The following BRIP1 variants were observed in gnomAD, a reference collection of about 807,000 sequenced individuals.
BRIP1 encodes BRCA1 interacting DNA helicase 1, also known as Fanconi anemia group J protein.
A neutral mutation model predicts 119.7 loss-of-function variants in BRIP1; 88 were observed. That is an observed-to-expected ratio of 0.74 (90% CI 0.62 to 0.88). The LOEUF (loss-of-function observed/expected upper bound fraction) is 0.88, where lower values mean the gene tolerates loss of function less well. Among genes scored for constraint, BRIP1 ranks in the 40% least tolerant of loss-of-function variants. The pLI, the probability that BRIP1 is intolerant of heterozygous loss-of-function variation, is 0.00. For synonymous variants in BRIP1, 443 were observed against 496.5 expected, an observed-to-expected ratio of 0.89 and a Z score of 1.43; for missense variants, 1,259 against 1,455.4, an observed-to-expected ratio of 0.87 and a Z score of 2.20.
chr17:61,735,528 C>T lies in BRIP1; in HGVS notation c.2379+7485G>A, dbSNP rs1387233195. 1.3e-5 allele frequency among the ~76,000 whole-genome samples: 2 copies of T among 151,802 alleles called. No individual in the cohort carries two copies. Among genetic ancestry groups the T allele is most frequent in the African/African-American group, 2.4e-5 (1 of 41,260 alleles). On this transcript the variant is annotated intron_variant, in intron 16 of 19. Transcript: ENST00000259008. This position sits in a 1 kb window ranked among gnomAD's most constrained non-coding sequence, Gnocchi z 4.4. ...TTAGGGCTAGGCACGGTGGCTCACACTTGTAATCCCAGCACTTTGGGAGGC... is the reference window on the plus strand; with the variant it reads ...TTAGGGCTAGGCACGGTGGCTCACATTTGTAATCCCAGCACTTTGGGAGGC...
At position 61,683,471 on chromosome 17, in the gene BRIP1, T is replaced by C. The variant is rs1555572525; in HGVS notation, c.3575A>G (p.Asp1192Gly). The change falls in exon 20 of 20, where the codon GAT (aspartate) becomes GGT (glycine). Residue 1192 changes from aspartate (D) to glycine (G), a missense_variant. This residue lies in a region of BRIP1 where 753 missense variants were observed against 891.8 expected (regional missense o/e 0.84). Transcript: ENST00000259008. This position sits in a 1 kb window ranked among gnomAD's most constrained non-coding sequence, Gnocchi z 4.7. ...AREVKAEDCI[D>G]TKLNGILHIE... ...ATGCAGAATTCCATTCAACTTTGTA[T>C]CTATGCAATCCTCAGCTTTCACTTC... The C allele has an allele frequency of 6.2e-7, 1 of 1,613,422 alleles. No individual in the cohort carries two copies. The highest frequency in any genetic ancestry group is 1.3e-5 in the African/African-American group (1 of 74,926).
At chr17:61,749,115 G>A (rs922796449) in intron 14 of BRIP1, among the ~76,000 whole-genome samples, 11 of 143,904 alleles carry the variant, frequency 7.6e-5, no homozygotes, top group Admixed American at 2.8e-4. Context: ...CCAGCCTGGC[G>A]ACAGAGCGAG....
rs2077563311 is a variant in BRIP1 at position 61,778,210 on chromosome 17, C to G, written c.1936-1648G>C. On this transcript the variant is annotated intron_variant, in intron 13 of 19. Coordinates refer to ENST00000259008, the MANE Select transcript of BRIP1 (RefSeq NM_032043.3). The surrounding 1 kb of genome is among the most constrained non-coding windows in gnomAD (Gnocchi z 4.4). ...ACATGGACAAACCTTGAGGACATTA[C>G]TAAGTAAAATAAGCCAGTCACAAAA... Among the ~76,000 whole-genome samples the G allele has an allele frequency of 2.0e-5, 3 of 152,090 alleles. No homozygotes were observed. The highest frequency in any genetic ancestry group is 2.0e-4 in the Admixed American group (3 of 15,256).
chr17:61,731,977 C>CT (rs2076851325), intron 16 of BRIP1, among the ~76,000 whole-genome samples: 3 of 112,442 alleles, frequency 2.7e-5, no homozygotes, highest in African/African-American at 3.3e-5. Flanking sequence ...TTCTTTCTTT[C>CT]TTTCTTTTTT....
chr17:61,858,434 C>T lies in BRIP1; in HGVS notation c.206-1203G>A, dbSNP rs565188495. ...TGTTGCCCAGGCTGAAGTGCAATGG[C>T]GCGATCTCGGCTCACTGCAACCTCC... On this transcript the variant is annotated intron_variant, in intron 3 of 19. Transcript: ENST00000259008. Among the ~76,000 whole-genome samples, 570 of 150,234 alleles carry T rather than the reference C, an allele frequency of 3.8e-3. 6 individuals are homozygous for T. Among genetic ancestry groups the T allele is most frequent in the Non-Finnish European group, 4.4e-3 (302 of 67,874 alleles).
Position 61,796,544 on chromosome 17 carries a change from T to C in BRIP1, c.1340+2556A>G, listed in dbSNP as rs1335299073. Among the ~76,000 whole-genome samples the C allele has an allele frequency of 6.6e-6, 1 of 152,066 alleles. No homozygotes were observed. The highest frequency in any genetic ancestry group is 1.5e-5 in the Non-Finnish European group (1 of 67,952). On this transcript the variant is annotated intron_variant, in intron 9 of 19. Coordinates refer to ENST00000259008, the MANE Select transcript of BRIP1 (RefSeq NM_032043.3). The surrounding 1 kb of genome is among the most constrained non-coding windows in gnomAD (Gnocchi z 4.8). ...CCTCAGTGCATGTTCGTGGCACCTG[T>C]GTCAAAAATGAGTTCACTGTAGGTG...
At position 61,780,490 on chromosome 17, in the gene BRIP1, G is replaced by A. The variant is rs532065089; in HGVS notation, c.1795-89C>T. 2.6e-6 allele frequency: 3 copies of A among 1,172,450 alleles called. No homozygotes were observed. The highest frequency in any genetic ancestry group is 2.5e-5 in the South Asian group (2 of 80,486). 72.6% of individuals were successfully genotyped at this position (1,172,450 alleles called of 1,614,324 possible). On this transcript the variant is annotated intron_variant, in intron 12 of 19. Coordinates refer to ENST00000259008, the MANE Select transcript of BRIP1 (RefSeq NM_032043.3). The surrounding 1 kb of genome is among the most constrained non-coding windows in gnomAD (Gnocchi z 5.4). ...CACCTGTAATCCCAGCACTTTGGGA[G>A]GCTGAAGCAGGAAGATCGCTTGAGT...
chr17:61,778,525 G>A lies in BRIP1; in HGVS notation c.1935+1736C>T, dbSNP rs1256253938. Among the ~76,000 whole-genome samples, 1 of 152,074 alleles carries A rather than the reference G, an allele frequency of 6.6e-6. No homozygotes were observed. Among genetic ancestry groups the A allele is most frequent in the East Asian group, 1.9e-4 (1 of 5,192 alleles). On this transcript the variant is annotated intron_variant, in intron 13 of 19. Coordinates refer to ENST00000259008, the MANE Select transcript of BRIP1 (RefSeq NM_032043.3). The surrounding 1 kb of genome is among the most constrained non-coding windows in gnomAD (Gnocchi z 4.4). ...AAAGTTTTTTAAATTTTAAGTTGAA[G>A]GAAAATATTACAGTGTAACAGAATC...
chr17:61,752,043 A>C lies in BRIP1; in HGVS notation c.2098-7452T>G, dbSNP rs576968878. 6.6e-6 allele frequency among the ~76,000 whole-genome samples: 1 copy of C among 152,274 alleles called. No homozygotes were observed. Among genetic ancestry groups the C allele is most frequent in the Admixed American group, 6.5e-5 (1 of 15,294 alleles). On this transcript the variant is annotated intron_variant, in intron 14 of 19. Coordinates refer to ENST00000259008, the MANE Select transcript of BRIP1 (RefSeq NM_032043.3). The surrounding 1 kb of genome is among the most constrained non-coding windows in gnomAD (Gnocchi z 6.2). ...CAGCCTCCCAAAGTGCCGGGATCACAGGCATGACCCACTGCGCCTGGCCAG... is the reference window on the plus strand; with the variant it reads ...CAGCCTCCCAAAGTGCCGGGATCACCGGCATGACCCACTGCGCCTGGCCAG...
At chr17:61,839,900 A>G (rs2078632064) in intron 6 of BRIP1, among the ~76,000 whole-genome samples, 1 of 152,232 alleles carries the variant, frequency 6.6e-6, no homozygotes, top group African/African-American at 2.4e-5. Context: ...AGCAGACCAT[A>G]ATCAATGATC....
At position 61,807,274 on chromosome 17, in the gene BRIP1, T is replaced by C. The variant is rs1160408868; in HGVS notation, c.918+1193A>G. 6.6e-6 allele frequency among the ~76,000 whole-genome samples: 1 copy of C among 152,200 alleles called. No individual in the cohort carries two copies. The highest frequency in any genetic ancestry group is 6.5e-5 in the Admixed American group (1 of 15,276). Reference sequence around the variant, plus strand: ...CTCTCCTTGAAGAGAAGTTTTTTAATATACAGAGTAAAGGAATTTCACAAT... The same window carrying C: ...CTCTCCTTGAAGAGAAGTTTTTTAACATACAGAGTAAAGGAATTTCACAAT... On this transcript the variant is annotated intron_variant, in intron 7 of 19. Coordinates refer to ENST00000259008, the MANE Select transcript of BRIP1 (RefSeq NM_032043.3). This position sits in a 1 kb window ranked among gnomAD's most constrained non-coding sequence, Gnocchi z 4.5.
intron 17 of BRIP1, among the ~76,000 whole-genome samples, chr17:61,715,337 A>G (rs561159311): frequency 2.0e-5 from 3 of 152,282 alleles, no homozygotes; most frequent in African/African-American, 2.4e-5. Flanking sequence ...TCACATTGTT[A>G]TCTAAAGCTT....
chr17:61,859,756 A>C (rs1339080025), intron 3 of BRIP1, 40 bp downstream of exon 3: 7 of 1,277,740 alleles, frequency 5.5e-6, no homozygotes, highest in Non-Finnish European at 8.0e-6. Context: ...ATTTTCTCAG[A>C]TCCCAGTAAG....
At position 61,793,856 on chromosome 17, in the gene BRIP1, G is replaced by T; in HGVS notation, c.1341-127C>A. The T allele has an allele frequency of 1.0e-6, 1 of 960,954 alleles. No individual in the cohort carries two copies. Among genetic ancestry groups the T allele is most frequent in the Non-Finnish European group, 1.5e-6 (1 of 688,802 alleles). The allele number at this position is 960,954 out of a possible 1,614,324, so 59.5% of individuals were successfully genotyped here. On this transcript the variant is annotated intron_variant, in intron 9 of 19. Coordinates refer to ENST00000259008, the MANE Select transcript of BRIP1 (RefSeq NM_032043.3). This position sits in a 1 kb window ranked among gnomAD's most constrained non-coding sequence, Gnocchi z 5.2. ...ATCTTGACATTCTTAGGACATGAAT[G>T]TGGATTAATTAAGACACCTTTTAAA... is the stretch of plus-strand genomic sequence containing the variant.
In BRIP1 at chr17:61,804,120, A is replaced by T. The variant is rs530723610; in HGVS notation, c.919-2646T>A. On this transcript the variant is annotated intron_variant, in intron 7 of 19. Transcript: ENST00000259008. This position sits in a 1 kb window ranked among gnomAD's most constrained non-coding sequence, Gnocchi z 4.5. ...CATTCTGGTAGAATAGATATATAAA[A>T]TCTTACAGTAGTTACCTTAAAGGAT... 6.6e-6 allele frequency among the ~76,000 whole-genome samples: 1 copy of T among 152,132 alleles called. No individual in the cohort carries two copies. The highest frequency in any genetic ancestry group is 1.5e-5 in the Non-Finnish European group (1 of 68,004).
rs2078036649 is a variant in BRIP1 at position 61,804,142 on chromosome 17, G to A, written c.919-2668C>T. Among the ~76,000 whole-genome samples, 1 of 151,970 alleles carries A rather than the reference G, an allele frequency of 6.6e-6. No individual in the cohort carries two copies. Among genetic ancestry groups the A allele is most frequent in the Admixed American group, 6.6e-5 (1 of 15,258 alleles). On this transcript the variant is annotated intron_variant, in intron 7 of 19. Coordinates refer to ENST00000259008, the MANE Select transcript of BRIP1 (RefSeq NM_032043.3). This position sits in a 1 kb window ranked among gnomAD's most constrained non-coding sequence, Gnocchi z 4.5. ...AAAATCTTACAGTAGTTACCTTAAAGGATTAAGGAGATGGAGGATCTAGAA... is the reference window on the plus strand; with the variant it reads ...AAAATCTTACAGTAGTTACCTTAAAAGATTAAGGAGATGGAGGATCTAGAA...
chr17:61,716,318 C>A (rs1567756217), intron 16 of BRIP1, among the ~76,000 whole-genome samples: 1 of 152,006 alleles, frequency 6.6e-6, no homozygotes, highest in Non-Finnish European at 1.5e-5. Flanking sequence ...TAAATCCACA[C>A]AATTTTCAGT....
rs2144811561 is a variant in BRIP1 at position 61,757,420 on chromosome 17, A to C, written c.2098-12829T>G. On this transcript the variant is annotated intron_variant, in intron 14 of 19. Coordinates refer to ENST00000259008, the MANE Select transcript of BRIP1 (RefSeq NM_032043.3). This position sits in a 1 kb window ranked among gnomAD's most constrained non-coding sequence, Gnocchi z 4.3. ...CAAATACTGCCCTAAAGTGAAAGTA[A>C]GACCTCTGTTGGCAATCTAACTGGA... Among the ~76,000 whole-genome samples the C allele has an allele frequency of 6.6e-6, 1 of 152,284 alleles. No individual in the cohort carries two copies. The highest frequency in any genetic ancestry group is 2.1e-4 in the South Asian group (1 of 4,826).
In BRIP1 at chr17:61,736,450, G is replaced by T. The variant is rs1261668490; in HGVS notation, c.2379+6563C>A. 1.3e-5 allele frequency among the ~76,000 whole-genome samples: 2 copies of T among 152,178 alleles called. No individual in the cohort carries two copies. Among genetic ancestry groups the T allele is most frequent in the African/African-American group, 4.8e-5 (2 of 41,430 alleles). ...TGTATTAAATAAAGTGTAAGATGCT[G>T]TTGAGGATTGAGCATTCCCTTCTAC... On this transcript the variant is annotated intron_variant, in intron 16 of 19. Transcript: ENST00000259008. This position sits in a 1 kb window ranked among gnomAD's most constrained non-coding sequence, Gnocchi z 4.4.
Sources: gnomAD v4.1 joint callset for allele counts (sites outside exome capture counted in the v4.1 genomes callset) on GRCh38, gnomAD v4.1.1 for gene constraint, gnomAD v4.1.1 regional missense constraint, Gnocchi (gnomAD v3.1) non-coding constraint, MANE v1.5 for transcripts, NCBI Gene and HGNC (gene_info 2026-07-23, HGNC 2026-07-21) for gene names.